The following DACH2 variants were observed in gnomAD, a reference collection of about 807,000 sequenced individuals.
DACH2 encodes the protein dachshund homolog 2.
A neutral mutation model predicts 35.8 loss-of-function variants in DACH2; 17 were observed. The observed-to-expected ratio is 0.48, with a 90% CI of 0.33 to 0.71. The LOEUF is 0.71. Ranked by LOEUF, DACH2 falls within the 30% of genes least tolerant of loss-of-function variation. The pLI, the probability that DACH2 is intolerant of heterozygous loss-of-function variation, is 0.02. For synonymous variants in DACH2, 195 were observed against 177.3 expected (o/e 1.10, Z -0.79); for missense variants, 469 against 472.7 (o/e 0.99, Z 0.07).
intron 3 of DACH2, among the ~76,000 whole-genome samples, chrX:86,517,838 G>C (rs979762160): frequency 9.0e-6 from 1 of 111,311 alleles, no homozygotes; most frequent in East Asian, 2.8e-4. Context: ...TTTTTCCATC[G>C]TGTAGGTTGT....
intron 3 of DACH2, among the ~76,000 whole-genome samples, chrX:86,539,520 A>G (rs2038851531): frequency 9.0e-6 from 1 of 111,565 alleles, no homozygotes; most frequent in Non-Finnish European, 1.9e-5. Context: ...TTTTCATTTC[A>G]TATTAATTTA....
At chrX:86,411,081 G>A (rs1385792188) in intron 2 of DACH2, among the ~76,000 whole-genome samples, 1 of 84,037 alleles carries the variant, frequency 1.2e-5, no homozygotes, top group African/African-American at 4.5e-5. Flanking sequence ...TAACTTACAC[G>A]ATCACAGGGT....
intron 3 of DACH2, among the ~76,000 whole-genome samples, chrX:86,617,617 T>C (rs1269454132): frequency 8.9e-6 from 1 of 111,830 alleles, no homozygotes; most frequent in Non-Finnish European, 1.9e-5. Flanking sequence ...AACATTTGTA[T>C]CAACCTTCAT....
At chrX:86,168,557 T>C (rs906809439) in intron 1 of DACH2, among the ~76,000 whole-genome samples, 5 of 110,154 alleles carry the variant, frequency 4.5e-5, no homozygotes, top group Admixed American at 1.9e-4. Context: ...TAAGGACTTC[T>C]GCCATTTTGT....
At chrX:86,660,842 A>G (rs115799103) in intron 4 of DACH2, among the ~76,000 whole-genome samples, 6,830 of 111,110 alleles carry the variant, frequency 0.061, 505 homozygotes, top group African/African-American at 0.21. Flanking sequence ...TACTTTTTTA[A>G]AGGCAGTTTA....
chrX:86,819,881 C>T (rs1480865056), intron 11 of DACH2, among the ~76,000 whole-genome samples: 1 of 111,628 alleles, frequency 9.0e-6, no homozygotes, highest in Admixed American at 9.6e-5. Context: ...AGGGAGACTT[C>T]TCCTTTTGCA....
intron 1 of DACH2, among the ~76,000 whole-genome samples, chrX:86,206,709 C>T (rs2032322060): frequency 9.0e-6 from 1 of 111,444 alleles, no homozygotes; most frequent in Non-Finnish European, 1.9e-5. Context: ...AACATAATAG[C>T]CTGTTTGCTT....
chrX:86,496,150 T>C (rs1453026323), intron 2 of DACH2, among the ~76,000 whole-genome samples: 1 of 111,740 alleles, frequency 8.9e-6, no homozygotes, highest in African/African-American at 3.2e-5. Context: ...ATTATTATCA[T>C]TGATTTTTAA....
chrX:86,302,318 G>A (rs899623061), intron 1 of DACH2, among the ~76,000 whole-genome samples: 11 of 111,073 alleles, frequency 9.9e-5, no homozygotes, highest in East Asian at 2.8e-4. Context: ...CCGTGAGTTG[G>A]CACTTGATAG....
At chrX:86,257,149 C>G (rs943760831) in intron 1 of DACH2, among the ~76,000 whole-genome samples, 5 of 111,187 alleles carry the variant, frequency 4.5e-5, no homozygotes, top group Admixed American at 2.9e-4. Context: ...TATATAAAAT[C>G]CTTAAGCACT....
chrX:86,492,616 C>G (rs1336805200), intron 2 of DACH2, among the ~76,000 whole-genome samples: 2 of 111,281 alleles, frequency 1.8e-5, no homozygotes, highest in Non-Finnish European at 3.8e-5. Context: ...CCTCTTCCCT[C>G]TAGTAGTCCC....
chrX:86,433,551 G>T (rs1192254071), intron 2 of DACH2, among the ~76,000 whole-genome samples: 2 of 111,570 alleles, frequency 1.8e-5, no homozygotes, highest in Non-Finnish European at 3.8e-5. Context: ...ATGCTAGGTA[G>T]CTAGAACTTT....
At chrX:86,688,175 T>A (rs1334133198) in intron 4 of DACH2, among the ~76,000 whole-genome samples, 1 of 112,307 alleles carries the variant, frequency 8.9e-6, no homozygotes, top group African/African-American at 3.2e-5. Context: ...ATATAAACAT[T>A]CTGGTCATGC....
chrX:86,679,601 T>C (rs1290883429), intron 4 of DACH2, among the ~76,000 whole-genome samples: 2 of 97,011 alleles, frequency 2.1e-5, no homozygotes, highest in Admixed American at 1.2e-4. Context: ...TCTCTCTCTC[T>C]CTCTCTCTCT....
intron 1 of DACH2, among the ~76,000 whole-genome samples, chrX:86,246,071 G>C (rs2033276158): frequency 9.0e-6 from 1 of 111,324 alleles, no homozygotes; most frequent in South Asian, 3.8e-4. Flanking sequence ...AAGGATCTCA[G>C]GGCTTGAAGA....
intron 1 of DACH2, among the ~76,000 whole-genome samples, chrX:86,324,029 A>C (rs760265038): frequency 2.7e-5 from 3 of 112,009 alleles, no homozygotes; most frequent in Non-Finnish European, 5.6e-5. Context: ...CGAGCCCCCA[A>C]AATGAAGCAG....
chrX:86,473,999 C>T (rs917480911), intron 2 of DACH2, among the ~76,000 whole-genome samples: 9 of 111,789 alleles, frequency 8.1e-5, no homozygotes, highest in Admixed American at 9.5e-5. Context: ...ATGAGGGTTT[C>T]GTTTTCTTCA....
intron 3 of DACH2, among the ~76,000 whole-genome samples, chrX:86,642,343 T>C (rs929285349): frequency 3.6e-5 from 4 of 110,115 alleles, no homozygotes; most frequent in Admixed American, 9.6e-5. Context: ...CCAATAAAGA[T>C]AAAAAAAAGA....
At chrX:86,232,733 G>A (rs917555093) in intron 1 of DACH2, among the ~76,000 whole-genome samples, 1 of 112,232 alleles carries the variant, frequency 8.9e-6, no homozygotes, top group Non-Finnish European at 1.9e-5. Context: ...ATGCTTATAC[G>A]CTGTTGGTGG....
Sources: allele counts gnomAD v4.1 joint callset (sites outside exome capture counted in the v4.1 genomes callset), GRCh38; gene constraint gnomAD v4.1.1; transcripts MANE v1.5; gene names NCBI Gene and HGNC (gene_info 2026-07-23, HGNC 2026-07-21).